Variants in SVOP observed in about 807,000 individuals in gnomAD.
SVOP encodes SV2 related protein, also known as synaptic vesicle 2-related protein.
In SVOP, 17 loss-of-function variants were observed where a neutral mutation model predicts 69.1. The observed-to-expected ratio is 0.25, with a 90% CI of 0.17 to 0.37. The LOEUF is 0.37. SVOP is among the 10% of genes least tolerant of loss of function. The probability of loss-of-function intolerance (pLI) is 1.00; values close to 1 mark genes in which losing one functional copy is unlikely to be tolerated. For missense variants in SVOP, 435 were observed against 597.5 expected, an observed-to-expected ratio of 0.73 and a Z score of 2.84; for synonymous variants, 238 against 238.6, an observed-to-expected ratio of 1.00 and a Z score of 0.02.
intron 1 of SVOP, among the ~76,000 whole-genome samples, chr12:108,990,016 T>C (rs965066631): frequency 4.6e-5 from 7 of 152,226 alleles, no homozygotes; most frequent in Admixed American, 1.3e-4. Context: ...CTGCTCAGGT[T>C]ACAGCAGTTG....
At chr12:109,008,893 A>G (rs1471742612) in intron 1 of SVOP, among the ~76,000 whole-genome samples, 1 of 152,006 alleles carries the variant, frequency 6.6e-6, no homozygotes, top group Non-Finnish European at 1.5e-5. Context: ...ATTGGAGAAC[A>G]AAAAGGCCTG....
chr12:108,937,801 T>A (rs149110740), intron 9 of SVOP, among the ~76,000 whole-genome samples: 7 of 152,376 alleles, frequency 4.6e-5, no homozygotes, highest in African/African-American at 1.7e-4. Flanking sequence ...AAATGACCGA[T>A]TGGCCAATTT....
intron 5 of SVOP, among the ~76,000 whole-genome samples, chr12:108,967,688 G>A (rs2040053555): frequency 6.6e-6 from 1 of 152,126 alleles, no homozygotes; most frequent in South Asian, 2.1e-4. Flanking sequence ...ATTCTTTGTG[G>A]TGGGGGCTGT....
At chr12:108,991,989 A>G (rs1391625521) in intron 1 of SVOP, among the ~76,000 whole-genome samples, 2 of 152,164 alleles carry the variant, frequency 1.3e-5, no homozygotes, top group Non-Finnish European at 2.9e-5. Context: ...TAGTTACGGT[A>G]ACTTCTCAGG....
chr12:108,990,283 T>C (rs1398357947), intron 1 of SVOP, among the ~76,000 whole-genome samples: 2 of 152,170 alleles, frequency 1.3e-5, no homozygotes, highest in South Asian at 2.1e-4. Flanking sequence ...GAACTCATCC[T>C]TTTTTATGGC....
intron 1 of SVOP, among the ~76,000 whole-genome samples, chr12:108,997,379 G>T (rs1199503703): frequency 2.7e-5 from 4 of 150,808 alleles, no homozygotes; most frequent in African/African-American, 4.8e-5. Context: ...CAGCGAGGCT[G>T]GGGGAGGGGC....
chr12:108,980,697 C>A (rs2040130896), intron 2 of SVOP, among the ~76,000 whole-genome samples: 1 of 122,314 alleles, frequency 8.2e-6, no homozygotes, highest in Non-Finnish European at 1.7e-5. Context: ...TTGCAGTGAG[C>A]CGAGATTGCG....
intron 7 of SVOP, among the ~76,000 whole-genome samples, chr12:108,942,923 C>A (rs956444994): frequency 1.3e-5 from 2 of 152,036 alleles, no homozygotes; most frequent in Non-Finnish European, 2.9e-5. Flanking sequence ...TGCCACCACA[C>A]CTGGTTAATT....
At chr12:108,958,908 C>T (rs1248332771) in intron 6 of SVOP, among the ~76,000 whole-genome samples, 2 of 152,062 alleles carry the variant, frequency 1.3e-5, no homozygotes, top group Non-Finnish European at 2.9e-5. Flanking sequence ...CCAGAGGCCT[C>T]TGTGGCAATG....
chr12:108,927,589 CTTTTTT>C (rs10679632), intron 11 of SVOP, among the ~76,000 whole-genome samples: 11 of 131,260 alleles, frequency 8.4e-5, no homozygotes, highest in Non-Finnish European at 1.3e-4. Context: ...CTCTCTCTCT[CTTTTTT>C]TTTTTTTTTT....
chr12:109,009,619 T>C (rs1566068674), intron 1 of SVOP, among the ~76,000 whole-genome samples: 2 of 152,164 alleles, frequency 1.3e-5, no homozygotes, highest in African/African-American at 2.4e-5. Flanking sequence ...TTCACCATGT[T>C]GGCCAGGCTG....
At position 108,945,656 on chromosome 12, in the gene SVOP, G is replaced by A. The variant is rs140277411; in HGVS notation, c.579-490C>T. 2.4e-3 allele frequency among the ~76,000 whole-genome samples: 370 copies of A among 152,190 alleles called. 7 individuals carry two copies. The highest frequency in any genetic ancestry group is 8.6e-3 in the African/African-American group (358 of 41,522). On this transcript the variant is annotated intron_variant, in intron 6 of 15. Coordinates refer to ENST00000610966, the MANE Select transcript of SVOP (RefSeq NM_018711.5). ...CCCACCTCAGCCTCCAAAAGCACTGGGAATACAGATGTGAGGCACCATGCC... is the reference window on the plus strand; with the variant it reads ...CCCACCTCAGCCTCCAAAAGCACTGAGAATACAGATGTGAGGCACCATGCC...
At chr12:108,998,679 T>A (rs2040250486) in intron 1 of SVOP, among the ~76,000 whole-genome samples, 1 of 151,954 alleles carries the variant, frequency 6.6e-6, no homozygotes, top group Non-Finnish European at 1.5e-5. Flanking sequence ...AGAAAAGAAT[T>A]TTCAACCTAG....
In SVOP at chr12:108,919,675, C is replaced by T; in HGVS notation, c.1268G>A (p.Arg423Lys). The change falls in exon 13 of 16, where the codon AGA becomes AAA. Residue 423 changes from arginine to lysine, a missense_variant and splice_region_variant. Transcript: ENST00000610966. ...ATACCTAGGCTTGCAGATCACCTAC[C>T]TTCCAACACAGATAAACAGCAGGAG... ...CSLLLFICVG[R>K]NVLTLLLFIA... 6.9e-6 allele frequency: 11 copies of T among 1,597,578 alleles called. No homozygotes were observed. The highest frequency in any genetic ancestry group is 9.4e-6 in the Non-Finnish European group (11 of 1,172,148).
chr12:109,015,708 G>A (rs569688203), intron 1 of SVOP, among the ~76,000 whole-genome samples: 4 of 152,216 alleles, frequency 2.6e-5, no homozygotes, highest in South Asian at 2.1e-4. Context: ...TATGATAATC[G>A]CTTGAACCTG....
In SVOP at chr12:108,945,054, C is replaced by T. The variant is rs770904988; in HGVS notation, c.642+49G>A. 42 of 1,514,814 alleles carry T rather than the reference C, an allele frequency of 2.8e-5. No individual in the cohort carries two copies. The Middle Eastern group carries it at 5.0e-4, about 18-fold the overall frequency. The allele number at this position is 1,514,814 out of a possible 1,614,324, so 93.8% of individuals were successfully genotyped here. ...TGTGGTTCAAGACATCTGAGAACCT[C>T]CTGCCGGAATCCACATGCTCTAGAG... On this transcript the variant is annotated intron_variant, in intron 7 of 15. Coordinates refer to ENST00000610966, the MANE Select transcript of SVOP (RefSeq NM_018711.5).
chr12:108,916,021 C>T, intron 14 of SVOP, 149 bp from the exon 15 acceptor site: 1 of 719,052 alleles, frequency 1.4e-6, no homozygotes, highest in South Asian at 2.2e-5. Flanking sequence ...GACAGGGATC[C>T]TCACCCCAAA....
intron 11 of SVOP, among the ~76,000 whole-genome samples, chr12:108,923,804 G>A (rs1335829460): frequency 6.6e-6 from 1 of 152,076 alleles, no homozygotes; most frequent in Non-Finnish European, 1.5e-5. Context: ...GGAACCCAAT[G>A]GCCAAAGAGG....
intron 11 of SVOP, among the ~76,000 whole-genome samples, chr12:108,923,571 C>A (rs2039763246): frequency 6.6e-6 from 1 of 151,972 alleles, no homozygotes; most frequent in Admixed American, 6.6e-5. Flanking sequence ...AAGGACCCTG[C>A]TAAGTTGTGT....
Sources: gnomAD v4.1 joint callset for allele counts (sites outside exome capture counted in the v4.1 genomes callset) on GRCh38, gnomAD v4.1.1 for gene constraint, MANE v1.5 for transcripts, NCBI Gene and HGNC (gene_info 2026-07-23, HGNC 2026-07-21) for gene names.